Variants in GLIPR2 observed in about 807,000 individuals in gnomAD.
GLIPR2 encodes the protein Golgi-associated plant pathogenesis-related protein 1.
In GLIPR2, 21 loss-of-function variants were observed where a neutral mutation model predicts 20.4. The observed-to-expected ratio is 1.03, with a 90% confidence interval of 0.73 to 1.48. The LOEUF is 1.48. Among genes scored for constraint, GLIPR2 ranks in the 40% most tolerant of loss-of-function variants. The pLI is 0.00. For missense variants in GLIPR2, 205 were observed against 200.1 expected (o/e 1.02, Z -0.15); for synonymous variants, 91 against 80.5 (o/e 1.13, Z -0.70).
At chr9:36,146,369 C>G (rs890031882) in intron 1 of GLIPR2, among the ~76,000 whole-genome samples, 1 of 152,154 alleles carries the variant, frequency 6.6e-6, no homozygotes, top group African/African-American at 2.4e-5. Context: ...TTGGAGGGGA[C>G]GTTCAAACCA....
chr9:36,163,062 T>C lies in GLIPR2; in HGVS notation c.*540T>C. 2.9e-6 allele frequency: 1 copy of C among 342,084 alleles called. No individual in the cohort carries two copies. Among genetic ancestry groups the C allele is most frequent in the Non-Finnish European group, 5.7e-6 (1 of 175,474 alleles). 21.2% of individuals were successfully genotyped at this position (342,084 alleles called of 1,614,324 possible). A position where few individuals can be genotyped will look rare whatever the true frequency, so the allele number is the denominator to read the frequency against. On this transcript the variant is annotated 3_prime_UTR_variant, in exon 5 of 5. Coordinates refer to ENST00000377960, the MANE Select transcript of GLIPR2 (RefSeq NM_022343.4). ...CAGGGACTCCATTTTACAGAATTAC[T>C]GAGATTTCTCAGTTGTAAAACATGA... is the stretch of plus-strand genomic sequence containing the variant.
Position 36,162,421 on chromosome 9 carries a change from G to A in GLIPR2, c.364G>A (p.Ala122Thr), listed in dbSNP as rs544679966. The A allele has an allele frequency of 1.7e-5, 27 of 1,614,092 alleles. No individual in the cohort carries two copies. The highest frequency in any genetic ancestry group is 1.7e-4 in the Middle Eastern group (1 of 6,060). Residue 122 changes from alanine (A) to threonine (T), a missense_variant, in exon 5 of 5, where the codon GCA becomes ACA. Physicochemically the swap from Ala to Thr is moderately conservative, Grantham distance 58. Coordinates refer to ENST00000377960, the MANE Select transcript of GLIPR2 (RefSeq NM_022343.4). The stretch of plus-strand genomic sequence containing the variant: ...GAAGATGGGCGTGGGGAAGGCGTCC[G>A]CAAGTGACGGGTCCTCCTTTGTGGT... ...TKKMGVGKASASDGSSFVVAR... is the reference protein window; with the variant it reads ...TKKMGVGKASTSDGSSFVVAR...
chr9:36,141,052 G>T (rs1352655776), intron 1 of GLIPR2, among the ~76,000 whole-genome samples: 1 of 152,182 alleles, frequency 6.6e-6, no homozygotes, highest in African/African-American at 2.4e-5. Context: ...AAGCCCAAAA[G>T]GTTTCTGTCC....
At chr9:36,151,200 CAG>C (rs1378070351) in intron 4 of GLIPR2, among the ~76,000 whole-genome samples, 1 of 152,206 alleles carries the variant, frequency 6.6e-6, no homozygotes, top group African/African-American at 2.4e-5. Flanking sequence ...CCCACCAGCT[CAG>C]AGCTCTTCCC....
At chr9:36,155,396 A>C (rs1228259346) in intron 4 of GLIPR2, among the ~76,000 whole-genome samples, 2 of 151,846 alleles carry the variant, frequency 1.3e-5, no homozygotes, top group East Asian at 3.9e-4. Context: ...GGAGTTCGAG[A>C]CCACCCTGGC....
intron 4 of GLIPR2, among the ~76,000 whole-genome samples, chr9:36,153,538 C>T (rs1201441272): frequency 2.6e-5 from 4 of 152,134 alleles, no homozygotes; most frequent in African/African-American, 9.7e-5. Flanking sequence ...CTGTCTGCAA[C>T]TCCTCCTTGC....
At chr9:36,147,561 T>C (rs1825382982) in intron 1 of GLIPR2, among the ~76,000 whole-genome samples, 1 of 152,282 alleles carries the variant, frequency 6.6e-6, no homozygotes, top group Middle Eastern at 3.4e-3. Flanking sequence ...AGGCCCCACA[T>C]GATCCACGGG....
At chr9:36,151,067 C>T (rs1384454275) in intron 4 of GLIPR2, 118 bp downstream of exon 4, 1 of 720,968 alleles carries the variant, frequency 1.4e-6, no homozygotes, top group South Asian at 1.5e-5. Flanking sequence ...TGTTTAATCT[C>T]TTCCATATTT....
At chr9:36,139,406 C>A (rs1042099757) in intron 1 of GLIPR2, among the ~76,000 whole-genome samples, 5 of 152,104 alleles carry the variant, frequency 3.3e-5, no homozygotes, top group African/African-American at 9.7e-5. Context: ...CCACCCCAAC[C>A]GGAAAACCGA....
chr9:36,159,660 G>A (rs1280191625), intron 4 of GLIPR2, among the ~76,000 whole-genome samples: 3 of 152,044 alleles, frequency 2.0e-5, no homozygotes, highest in Admixed American at 2.0e-4. Flanking sequence ...GAGGGAGATG[G>A]TCGGTAAATA....
intron 4 of GLIPR2, among the ~76,000 whole-genome samples, chr9:36,154,050 T>C (rs960410170): frequency 1.6e-5 from 2 of 122,452 alleles, no homozygotes; most frequent in African/African-American, 5.7e-5. Context: ...CAATGTCTTA[T>C]CATATTATAT....
chr9:36,155,636 T>C (rs1297065590), intron 4 of GLIPR2, among the ~76,000 whole-genome samples: 1 of 151,488 alleles, frequency 6.6e-6, no homozygotes, highest in Non-Finnish European at 1.5e-5. Context: ...GGAGAAAAAA[T>C]AGAATTTAAT....
rs74320217 is a variant in GLIPR2 at position 36,162,779 on chromosome 9, G to GTT, written c.*268_*269dup. On this transcript the variant is annotated 3_prime_UTR_variant, in exon 5 of 5. Transcript: ENST00000377960. Reference sequence around the variant, plus strand: ...TTTGGATTGGGGGGAGGGGGGATCCGTTTTTTTTTTTTAATTTTTTGTTAT... The same window carrying GTT: ...TTTGGATTGGGGGGAGGGGGGATCCGTTTTTTTTTTTTTTAATTTTTTGTTAT... The GTT allele has an allele frequency of 3.7e-4, 147 of 400,228 alleles. No individual in the cohort carries two copies. The highest frequency in any genetic ancestry group is 2.0e-3 in the Middle Eastern group (3 of 1,518). 24.8% of individuals were successfully genotyped at this position (400,228 alleles called of 1,614,324 possible).
At chr9:36,158,131 C>T (rs923846941) in intron 4 of GLIPR2, among the ~76,000 whole-genome samples, 1 of 152,108 alleles carries the variant, frequency 6.6e-6, no homozygotes, top group Non-Finnish European at 1.5e-5. Context: ...TGACTTTGGG[C>T]CAATCTTTCA....
chr9:36,147,539 A>G (rs1431289489), intron 1 of GLIPR2, among the ~76,000 whole-genome samples: 1 of 152,146 alleles, frequency 6.6e-6, no homozygotes, highest in African/African-American at 2.4e-5. Context: ...CAAATGCCTA[A>G]CAGGGCCCAT....
chr9:36,162,752 T>A lies in GLIPR2; in HGVS notation c.*230T>A. The A allele has an allele frequency of 1.8e-6, 1 of 541,706 alleles. No homozygotes were observed. Among genetic ancestry groups the A allele is most frequent in the East Asian group, 3.7e-5 (1 of 26,996 alleles). The allele number at this position is 541,706 out of a possible 1,614,324, so 33.6% of individuals were successfully genotyped here. A position where few individuals can be genotyped will look rare whatever the true frequency, so the allele number is the denominator to read the frequency against. On this transcript the variant is annotated 3_prime_UTR_variant, in exon 5 of 5. Coordinates refer to ENST00000377960, the MANE Select transcript of GLIPR2 (RefSeq NM_022343.4). ...CCCCGATGGTTACCTAGACCACGAT[T>A]ATTTGGATTGGGGGGAGGGGGGATC...
chr9:36,143,582 C>T (rs1341813352), intron 1 of GLIPR2, among the ~76,000 whole-genome samples: 3 of 152,204 alleles, frequency 2.0e-5, no homozygotes, highest in South Asian at 2.1e-4. Flanking sequence ...CACTCACACT[C>T]GTTCTGATCA....
intron 3 of GLIPR2, 33 bp downstream of exon 3, chr9:36,148,683 C>T (rs374819330): frequency 1.8e-5 from 26 of 1,436,074 alleles, no homozygotes; most frequent in Middle Eastern, 1.7e-4. Context: ...CTCCTCTCTG[C>T]GGGAGCTGGA....
At chr9:36,158,134 A>G (rs539510356) in intron 4 of GLIPR2, among the ~76,000 whole-genome samples, 6 of 152,240 alleles carry the variant, frequency 3.9e-5, no homozygotes, top group East Asian at 3.9e-4. Context: ...CTTTGGGCCA[A>G]TCTTTCAACC....
Sources: allele counts gnomAD v4.1 joint callset (sites outside exome capture counted in the v4.1 genomes callset), GRCh38; gene constraint gnomAD v4.1.1; transcripts MANE v1.5; gene names NCBI Gene and HGNC (gene_info 2026-07-23, HGNC 2026-07-21).